The following METTL15 variants were observed in gnomAD, a reference collection of about 807,000 sequenced individuals.
METTL15 encodes 12S rRNA N(4)-cytidine methyltransferase METTL15.
METTL15 carries 34 observed loss-of-function variants against 38.3 expected under a neutral mutation model. The ratio of observed to expected loss-of-function variants is 0.89; its 90% CI spans 0.68 to 1.18. The LOEUF (loss-of-function observed/expected upper bound fraction) is 1.18. Among genes scored for constraint, METTL15 ranks in the 50% most tolerant of loss-of-function variants. The pLI is 0.00. For missense variants in METTL15, 438 were observed against 498.4 expected (o/e 0.88, Z 1.15); for synonymous variants, 162 against 170.9 (o/e 0.95, Z 0.41).
intron 6 of METTL15, among the ~76,000 whole-genome samples, chr11:28,308,892 G>GTAGATAGA (rs68044190): frequency 0.19 from 27,720 of 146,800 alleles, 2,663 homozygotes; most frequent in Admixed American, 0.21. Flanking sequence ...AGGTAGGTAG[G>GTAGATAGA]TAGATAGATA....
intron 5 of METTL15, among the ~76,000 whole-genome samples, chr11:28,397,781 C>G (rs1271758132): frequency 1.3e-5 from 2 of 152,160 alleles, no homozygotes; most frequent in Admixed American, 6.6e-5. Context: ...TATAAAGACA[C>G]ATGCACATGT....
intron 6 of METTL15, among the ~76,000 whole-genome samples, chr11:28,500,862 T>C (rs1397275960): frequency 1.3e-5 from 2 of 152,148 alleles, no homozygotes; most frequent in African/African-American, 4.8e-5. Flanking sequence ...TGATTTTCAG[T>C]GTATATGACT....
At chr11:28,457,338 TTTGTTG>T (rs925696930) in intron 6 of METTL15, among the ~76,000 whole-genome samples, 3 of 152,270 alleles carry the variant, frequency 2.0e-5, no homozygotes, top group South Asian at 2.1e-4. Context: ...ATATGTTGTT[TTTGTTG>T]TTGTTGTTGT....
chr11:28,212,508 A>ATACAGAAGTC (rs1250660011), intron 4 of METTL15, among the ~76,000 whole-genome samples: 1 of 152,128 alleles, frequency 6.6e-6, no homozygotes, highest in East Asian at 1.9e-4. Context: ...GTCCCTTTGT[A>ATACAGAAGTC]CCTGAGGAGA....
At chr11:28,467,567 T>A (rs1049256566) in intron 6 of METTL15, among the ~76,000 whole-genome samples, 2 of 152,122 alleles carry the variant, frequency 1.3e-5, no homozygotes, top group African/African-American at 4.8e-5. Flanking sequence ...TCCTTGCATC[T>A]CTCTCCTACA....
intron 6 of METTL15, among the ~76,000 whole-genome samples, chr11:28,326,609 C>T (rs1490631202): frequency 2.0e-5 from 3 of 152,136 alleles, no homozygotes; most frequent in African/African-American, 4.8e-5. Flanking sequence ...CAGAGTCTCA[C>T]TCTGTCGCCC....
intron 3 of METTL15, among the ~76,000 whole-genome samples, chr11:28,208,841 G>T (rs188426174): frequency 6.6e-6 from 1 of 152,054 alleles, no homozygotes; most frequent in South Asian, 2.1e-4. Context: ...TGTGGTGCTG[G>T]TTGGCTCATG....
At chr11:28,319,479 A>T (rs1301515289) in intron 6 of METTL15, among the ~76,000 whole-genome samples, 7 of 151,710 alleles carry the variant, frequency 4.6e-5, no homozygotes, top group African/African-American at 4.8e-5. Flanking sequence ...GAGAAAACTC[A>T]TACTGATCTA....
intron 3 of METTL15, among the ~76,000 whole-genome samples, chr11:28,196,826 T>C (rs1249327562): frequency 6.6e-6 from 1 of 151,930 alleles, no homozygotes; most frequent in Non-Finnish European, 1.5e-5. Context: ...AATTGAGATA[T>C]TTCAAATGCC....
chr11:28,166,179 T>C (rs966243044), intron 3 of METTL15, among the ~76,000 whole-genome samples: 1 of 152,190 alleles, frequency 6.6e-6, no homozygotes, highest in Non-Finnish European at 1.5e-5. Flanking sequence ...TGGGAAAAAA[T>C]GACACTGGAA....
intron 4 of METTL15, among the ~76,000 whole-genome samples, chr11:28,235,036 T>C (rs952857864): frequency 6.6e-6 from 1 of 152,142 alleles, no homozygotes; most frequent in African/African-American, 2.4e-5. Flanking sequence ...CTAGCCAGTT[T>C]TCCCAGCACC....
chr11:28,151,022 A>AG (rs1850068376), intron 3 of METTL15, among the ~76,000 whole-genome samples: 1 of 151,198 alleles, frequency 6.6e-6, no homozygotes, highest in Admixed American at 6.6e-5. Context: ...AAAAAAAAAA[A>AG]AAAGAAAAGG....
chr11:28,308,920 A>ATAGG (rs1857175700), intron 6 of METTL15, among the ~76,000 whole-genome samples: 1 of 152,120 alleles, frequency 6.6e-6, no homozygotes, highest in Admixed American at 6.6e-5. Context: ...AGATAGATAG[A>ATAGG]TAGATAGATA....
intron 6 of METTL15, among the ~76,000 whole-genome samples, chr11:28,328,519 C>T (rs1160421772): frequency 1.3e-5 from 2 of 151,936 alleles, no homozygotes; most frequent in Non-Finnish European, 2.9e-5. Context: ...GATTAAAATG[C>T]CAAGATTGCA....
At position 28,330,647 on chromosome 11, in the gene METTL15, C is replaced by G. The variant is rs911658889; in HGVS notation, c.1030C>G (p.Leu344Val). Residue 344 changes from leucine (L) to valine (V), a missense_variant, in exon 7 of 7, where the codon CTA becomes GTA. Leu to Val is a conservative substitution (Grantham distance 32, BLOSUM62 1). Transcript: ENST00000407364. The part of the protein sequence containing the change: ...LGISMTERFN[L>V]SVRQQVMKTS... ...AATAAGCATGACAGAAAGATTTAAC[C>G]TAAGTGTTAGACAACAAGTGATGAA... 1.2e-5 allele frequency: 18 copies of G among 1,551,226 alleles called. No homozygotes were observed. In the African/African-American group the frequency reaches 2.1e-4, roughly 18 times the overall value.
At chr11:28,369,826 C>T (rs1325193613) in intron 5 of METTL15, among the ~76,000 whole-genome samples, 1 of 152,042 alleles carries the variant, frequency 6.6e-6, no homozygotes, top group Non-Finnish European at 1.5e-5. Context: ...GACAGCAACA[C>T]CAAGGCATAA....
At chr11:28,222,935 CTG>C (rs1198779975) in intron 4 of METTL15, among the ~76,000 whole-genome samples, 1 of 152,014 alleles carries the variant, frequency 6.6e-6, no homozygotes, top group Non-Finnish European at 1.5e-5. Flanking sequence ...GAAGATTAAA[CTG>C]TGAAAAGATG....
At chr11:28,511,256 C>T (rs1007515782) in intron 6 of METTL15, among the ~76,000 whole-genome samples, 5 of 152,078 alleles carry the variant, frequency 3.3e-5, no homozygotes, top group Admixed American at 2.6e-4. Flanking sequence ...TACTAATAGC[C>T]TGGTGTTGAC....
intron 3 of METTL15, among the ~76,000 whole-genome samples, chr11:28,189,372 A>C (rs1281755763): frequency 6.6e-6 from 1 of 151,348 alleles, no homozygotes; most frequent in Admixed American, 6.6e-5. Context: ...ACAGAATGTT[A>C]TAATAGATAA....
Sources: allele counts gnomAD v4.1 joint callset (sites outside exome capture counted in the v4.1 genomes callset), GRCh38; gene constraint gnomAD v4.1.1; transcripts MANE v1.5; gene names NCBI Gene and HGNC (gene_info 2026-07-23, HGNC 2026-07-21).